NDE1: variants seen among roughly 807,000 people sequenced by gnomAD.
NDE1 encodes nudE neurodevelopment protein 1.
NDE1 carries 28 observed loss-of-function variants against 43.4 expected under a neutral mutation model. The ratio of observed to expected loss-of-function variants is 0.65; its 90% CI spans 0.48 to 0.89. The LOEUF is 0.89. NDE1 is among the 40% of genes least tolerant of loss of function. NDE1 has a pLI of 0.00. For synonymous variants in NDE1, 184 were observed against 172.0 expected (o/e 1.07, Z -0.55); for missense variants, 441 against 434.1 (o/e 1.02, Z -0.14).
rs1441295126 is a variant in NDE1, at chr16:15,681,436, T to C, written c.386+3487T>C. On this transcript the variant is annotated intron_variant, in intron 4 of 8. Coordinates refer to ENST00000396354, the MANE Select transcript of NDE1 (RefSeq NM_017668.3). The stretch of plus-strand genomic sequence containing the variant: ...TGTGCCACTATACCTGGCTAATTTT[T>C]GTATTTTTTGTAGATACAGGGTTTT... 2.0e-5 allele frequency among the ~76,000 whole-genome samples: 3 copies of C among 151,810 alleles called. 1 individual carries two copies. The highest frequency in any genetic ancestry group is 7.2e-5 in the African/African-American group (3 of 41,402).
intron 8 of NDE1, chr16:15,719,663 T>G: frequency 1.9e-6 from 3 of 1,614,212 alleles, no homozygotes; most frequent in Non-Finnish European, 2.5e-6. Context: ...AGATCTCATC[T>G]CTGGAGGCAC....
chr16:15,715,301 T>C, intron 8 of NDE1: 1 of 1,611,734 alleles, frequency 6.2e-7, no homozygotes, highest in Non-Finnish European at 8.5e-7. Flanking sequence ...ACAGGTGGTT[T>C]CAGCGGAGGG....
chr16:15,673,739 C>T (rs1426887390), intron 3 of NDE1, among the ~76,000 whole-genome samples: 2 of 152,076 alleles, frequency 1.3e-5, no homozygotes, highest in African/African-American at 2.4e-5. Flanking sequence ...CCTATGTTGC[C>T]TAGGCTAATA....
rs2040284883 is a variant in NDE1, at chr16:15,718,411, G to A, written c.948-5780G>A. ...CCAGCTGGGCGATCCGGGCCTCCAGGCGGCGCTTCTCGTCCTGGAGTGCGT... is the reference window on the plus strand; with the variant it reads ...CCAGCTGGGCGATCCGGGCCTCCAGACGGCGCTTCTCGTCCTGGAGTGCGT... On this transcript the variant is annotated intron_variant, in intron 8 of 8. Transcript: ENST00000396354. 1 of 1,587,916 alleles carries A rather than the reference G, an allele frequency of 6.3e-7. No individual in the cohort carries two copies. Among genetic ancestry groups the A allele is most frequent in the African/African-American group, 1.3e-5 (1 of 74,636 alleles).
chr16:15,716,524 GTGTGTGTGTA>G (rs60407138), intron 8 of NDE1, among the ~76,000 whole-genome samples: 1,543 of 151,206 alleles, frequency 0.01, 33 homozygotes, highest in African/African-American at 0.034. Flanking sequence ...GGTTTTTTTT[GTGTGTGTGTA>G]TGTGTGTGGA....
At chr16:15,703,244 A>G (rs2039282058) in intron 8 of NDE1, 1 of 215,040 alleles carries the variant, frequency 4.7e-6, no homozygotes, top group Non-Finnish European at 9.4e-6. Context: ...TTTTCAATTC[A>G]TGTGACTACA....
At chr16:15,658,771 C>A (rs2036896529) in intron 1 of NDE1, among the ~76,000 whole-genome samples, 3 of 152,132 alleles carry the variant, frequency 2.0e-5, no homozygotes, top group African/African-American at 7.2e-5. Context: ...ATTCTCATGC[C>A]TTAGCCTCCC....
At chr16:15,676,056 A>G (rs1420335647) in intron 3 of NDE1, among the ~76,000 whole-genome samples, 1 of 152,026 alleles carries the variant, frequency 6.6e-6, no homozygotes, top group African/African-American at 2.4e-5. Context: ...ATCATTGAGA[A>G]GTCAGCTGGA....
chr16:15,692,073 AAAAG>A (rs1220596880), intron 6 of NDE1, among the ~76,000 whole-genome samples: 42 of 151,516 alleles, frequency 2.8e-4, no homozygotes, highest in Admixed American at 2.4e-3. Context: ...TGGGCAGAAA[AAAAG>A]AATCTCAGTT....
intron 8 of NDE1, among the ~76,000 whole-genome samples, chr16:15,704,583 A>AT (rs2039348335): frequency 6.6e-6 from 1 of 152,194 alleles, no homozygotes; most frequent in African/African-American, 2.4e-5. Flanking sequence ...CCTCACCCCC[A>AT]TTCGCCTTAG....
intron 1 of NDE1, among the ~76,000 whole-genome samples, chr16:15,659,461 A>G: frequency 1.1e-5 from 1 of 91,954 alleles, no homozygotes; most frequent in African/African-American, 4.4e-5. Flanking sequence ...TTTTGAGAGG[A>G]AGTCTCACTC....
intron 3 of NDE1, among the ~76,000 whole-genome samples, chr16:15,668,366 A>G (rs930555637): frequency 8.5e-5 from 13 of 152,176 alleles, no homozygotes; most frequent in Non-Finnish European, 1.3e-4. Context: ...AAAAAAAACC[A>G]AAGTCCTTCC....
intron 3 of NDE1, among the ~76,000 whole-genome samples, chr16:15,668,090 G>C (rs544805327): frequency 6.6e-6 from 1 of 152,100 alleles, no homozygotes; most frequent in Admixed American, 6.6e-5. Context: ...TGGGCCGGGC[G>C]AGGTGGTGCA....
chr16:15,667,847 G>T (rs755016481), intron 3 of NDE1, among the ~76,000 whole-genome samples: 1 of 151,834 alleles, frequency 6.6e-6, no homozygotes, highest in Non-Finnish European at 1.5e-5. Flanking sequence ...GGCCAGGCTG[G>T]TCTCGAACTC....
intron 8 of NDE1, chr16:15,699,577 T>C: frequency 1.7e-6 from 2 of 1,195,804 alleles, no homozygotes; most frequent in Non-Finnish European, 2.1e-6. Context: ...GTAGCCAGTG[T>C]CCTCTTCTTC....
chr16:15,694,745 G>A (rs1428470834), intron 7 of NDE1: 1 of 985,244 alleles, frequency 1.0e-6, no homozygotes, highest in Non-Finnish European at 1.2e-6. Flanking sequence ...CAGACACTCA[G>A]AGCTCTGACT....
At chr16:15,659,590 C>T (rs2036945318) in intron 1 of NDE1, among the ~76,000 whole-genome samples, 1 of 151,438 alleles carries the variant, frequency 6.6e-6, no homozygotes, top group Non-Finnish European at 1.5e-5. Context: ...GCGCACACCA[C>T]CATGCCCGGC....
In NDE1 at chr16:15,652,940, G is replaced by A. The variant is rs1463982219; in HGVS notation, c.-44+2646G>A. On this transcript the variant is annotated intron_variant, in intron 1 of 8. Transcript: ENST00000396354. ...CTCAGCCTCCCAACGTGCCGGGGTG[G>A]GAGAGAGCCACCGCGCCTGGCCTAA... 2.6e-5 allele frequency among the ~76,000 whole-genome samples: 4 copies of A among 152,180 alleles called. No individual in the cohort carries two copies. The East Asian group carries it at 7.7e-4, about 29-fold the overall frequency.
At chr16:15,665,680 C>T (rs1337929951) in intron 2 of NDE1, among the ~76,000 whole-genome samples, 1 of 151,480 alleles carries the variant, frequency 6.6e-6, no homozygotes, top group Non-Finnish European at 1.5e-5. Context: ...CCTGGCTTCA[C>T]GTGATCTGCC....
Sources: gnomAD v4.1 joint callset for allele counts (sites outside exome capture counted in the v4.1 genomes callset) on GRCh38, gnomAD v4.1.1 for gene constraint, MANE v1.5 for transcripts, NCBI Gene and HGNC (gene_info 2026-07-23, HGNC 2026-07-21) for gene names.